Variants in TMPRSS7 observed in about 807,000 individuals in gnomAD.
TMPRSS7 encodes transmembrane protease serine 7.
A neutral mutation model predicts 95.6 loss-of-function variants in TMPRSS7; 81 were observed. The ratio of observed to expected loss-of-function variants is 0.85; its 90% CI spans 0.71 to 1.02. The LOEUF is 1.02. TMPRSS7 is among the 50% of genes least tolerant of loss of function. The pLI is 0.00. For synonymous variants in TMPRSS7, 364 were observed against 337.8 expected (o/e 1.08, Z -0.85); for missense variants, 945 against 955.2 (o/e 0.99, Z 0.14).
At chr3:112,068,202 G>C (rs1398495825) in intron 13 of TMPRSS7, among the ~76,000 whole-genome samples, 1 of 152,178 alleles carries the variant, frequency 6.6e-6, no homozygotes, top group African/African-American at 2.4e-5. Context: ...TTTGGTACCA[G>C]CACCATGCTG....
chr3:112,039,398 G>A (rs1457953969), intron 2 of TMPRSS7, among the ~76,000 whole-genome samples: 1 of 152,170 alleles, frequency 6.6e-6, no homozygotes, highest in Non-Finnish European at 1.5e-5. Context: ...TTTGATTGTA[G>A]TCCTTAGATC....
chr3:112,041,305 C>T lies in TMPRSS7; in HGVS notation c.299-615C>T, dbSNP rs1221861189. On this transcript the variant is annotated intron_variant, in intron 2 of 17. Transcript: ENST00000452346. ...CTACACTTCCTAGGGCTAAAGTGAC[C>T]TTGAATGGATCTTAGAGGGGAAGCT... Among the ~76,000 whole-genome samples the T allele has an allele frequency of 2.0e-5, 3 of 152,140 alleles. No homozygotes were observed. In the East Asian group the frequency reaches 5.8e-4, roughly 29 times the overall value.
intron 9 of TMPRSS7, among the ~76,000 whole-genome samples, 193 bp downstream of exon 9, chr3:112,050,976 C>G (rs1284727265): frequency 6.6e-6 from 1 of 152,166 alleles, no homozygotes; most frequent in Non-Finnish European, 1.5e-5. Flanking sequence ...CTACTCTTAG[C>G]AGACTGGGGC....
intron 1 of TMPRSS7, among the ~76,000 whole-genome samples, chr3:112,035,684 T>C (rs2073145955): frequency 6.6e-6 from 1 of 152,232 alleles, no homozygotes; most frequent in African/African-American, 2.4e-5. Flanking sequence ...GGAGTTTAGT[T>C]ACCCTGACTT....
Position 112,070,377 on chromosome 3 carries a change from A to T in TMPRSS7, c.1666+3875A>T, listed in dbSNP as rs917328548. Among the ~76,000 whole-genome samples, 7 of 152,122 alleles carry T rather than the reference A, an allele frequency of 4.6e-5. 1 individual carries two copies. The highest frequency in any genetic ancestry group is 6.3e-3 in the Middle Eastern group (2 of 316). On this transcript the variant is annotated intron_variant, in intron 13 of 17. Coordinates refer to ENST00000452346, the Ensembl canonical transcript of TMPRSS7. ...GTGCAGAGCTGAGTTCAAGTCCTGG[A>T]TATCTTTGTTAACCTTCTGTCTTGT...
chr3:112,036,402 C>G (rs1271989257), intron 1 of TMPRSS7, among the ~76,000 whole-genome samples: 2 of 152,138 alleles, frequency 1.3e-5, no homozygotes, highest in Non-Finnish European at 2.9e-5. Context: ...AACCGCATCT[C>G]TACTACAAAT....
Position 112,045,731 on chromosome 3 carries a change from C to A in TMPRSS7, c.498-19C>A, listed in dbSNP as rs955941842. ...AAAGTCCTATGAGGTCCCTGATGAT[C>A]TCTCTTTTTTCGTTATAGCAGCAAC... is the stretch of plus-strand genomic sequence containing the variant. On this transcript the variant is annotated intron_variant, in intron 4 of 17. Coordinates refer to ENST00000452346, the Ensembl canonical transcript of TMPRSS7. The A allele has an allele frequency of 9.1e-6, 14 of 1,535,158 alleles. No individual in the cohort carries two copies. The highest frequency in any genetic ancestry group is 1.2e-5 in the Non-Finnish European group (14 of 1,138,870).
intron 9 of TMPRSS7, among the ~76,000 whole-genome samples, chr3:112,055,555 A>C (rs976235663): frequency 1.3e-5 from 2 of 152,174 alleles, no homozygotes; most frequent in Non-Finnish European, 1.5e-5. Context: ...AATTCACCTA[A>C]AGAAAATGAC....
chr3:112,036,249 C>G (rs1364498678), intron 1 of TMPRSS7, among the ~76,000 whole-genome samples: 1 of 152,140 alleles, frequency 6.6e-6, no homozygotes, highest in Non-Finnish European at 1.5e-5. Flanking sequence ...CAATATAATA[C>G]AAACATGTGA....
intron 9 of TMPRSS7, among the ~76,000 whole-genome samples, chr3:112,054,587 A>G (rs2073406862): frequency 6.6e-6 from 1 of 152,160 alleles, no homozygotes; most frequent in African/African-American, 2.4e-5. Context: ...GTAGTGTTAC[A>G]TATGAATCCA....
exon 16 of TMPRSS7, chr3:112,076,999 T>C (rs2073718784): frequency 1.2e-6 from 2 of 1,614,194 alleles, no homozygotes; most frequent in South Asian, 2.2e-5. Flanking sequence ...CTTTTGATTA[T>C]GATATTGCTT....
At chr3:112,076,284 G>A (rs2073709602) in intron 15 of TMPRSS7, among the ~76,000 whole-genome samples, 2 of 152,164 alleles carry the variant, frequency 1.3e-5, no homozygotes, top group African/African-American at 4.8e-5. Context: ...TGTGACTTGT[G>A]CAAGGTCATG....
rs548956236 is a variant in TMPRSS7, at chr3:112,046,532, TAC to T, written c.692-432_692-431del. On this transcript the variant is annotated intron_variant, in intron 5 of 17. Coordinates refer to ENST00000452346, the Ensembl canonical transcript of TMPRSS7. Reference sequence around the variant, plus strand: ...TATTTAAAAATATATAAGTATATTATACACACACACATACACTAGGCATATGG... The same window carrying T: ...TATTTAAAAATATATAAGTATATTATACACACACATACACTAGGCATATGG... Among the ~76,000 whole-genome samples the T allele has an allele frequency of 8.5e-5, 13 of 152,226 alleles. 1 individual carries two copies. Among genetic ancestry groups the T allele is most frequent in the South Asian group, 6.2e-4 (3 of 4,824 alleles).
chr3:112,066,437 G>A, exon 13 of TMPRSS7: 1 of 1,613,968 alleles, frequency 6.2e-7, no homozygotes, highest in South Asian at 1.1e-5. Context: ...AGGCAGCATG[G>A]CCCTCTCATC....
chr3:112,045,789 T>A (rs2073271177), exon 5 of TMPRSS7: 4 of 1,551,196 alleles, frequency 2.6e-6, no homozygotes, highest in Non-Finnish European at 3.5e-6. Flanking sequence ...ACTTTTGGAT[T>A]GTTTTTGTCA....
intron 10 of TMPRSS7, among the ~76,000 whole-genome samples, chr3:112,060,034 A>G (rs957890736): frequency 1.3e-5 from 2 of 152,146 alleles, no homozygotes; most frequent in Admixed American, 1.3e-4. Context: ...AAAGAGAGAA[A>G]TTTTAAAGCT....
At chr3:112,041,974 A>G (rs932480991) in exon 3 of TMPRSS7, 8 of 1,551,546 alleles carry the variant, frequency 5.2e-6, no homozygotes, top group Admixed American at 2.0e-5. Context: ...CGCATCACCA[A>G]CATTGAGTTT....
intron 9 of TMPRSS7, among the ~76,000 whole-genome samples, chr3:112,053,523 A>G (rs1421761510): frequency 6.6e-6 from 1 of 152,350 alleles, no homozygotes; most frequent in East Asian, 1.9e-4. Flanking sequence ...TGGAGCTTAC[A>G]GACTACAGGG....
intron 15 of TMPRSS7, among the ~76,000 whole-genome samples, chr3:112,076,269 T>C (rs55955608): frequency 0.03 from 4,557 of 152,238 alleles, 191 homozygotes; most frequent in African/African-American, 0.088. Context: ...GATTACAAGT[T>C]CTTCTGTGAC....
Sources: allele counts gnomAD v4.1 joint callset (sites outside exome capture counted in the v4.1 genomes callset), GRCh38; gene constraint gnomAD v4.1.1; transcripts MANE v1.5; gene names NCBI Gene and HGNC (gene_info 2026-07-23, HGNC 2026-07-21).